The following TANC2 variants were observed in gnomAD, a reference collection of about 807,000 sequenced individuals.
TANC2 encodes the protein protein TANC2.
TANC2 carries 26 observed loss-of-function variants against 210.5 expected under a neutral mutation model. The ratio of observed to expected loss-of-function variants is 0.12; its 90% CI spans 0.09 to 0.17. TANC2 has a LOEUF of 0.17. Ranked by LOEUF, TANC2 falls within the 10% of genes least tolerant of loss-of-function variation. TANC2 has a pLI of 1.00. For synonymous variants in TANC2, 931 were observed against 967.1 expected (o/e 0.96, Z 0.69); for missense variants, 2,129 against 2,608.9 (o/e 0.82, Z 4.01).
rs73994409 is a variant in TANC2, at chr17:63,181,874, T to C, written c.434-12117T>C. 2.7e-3 allele frequency among the ~76,000 whole-genome samples: 414 copies of C among 152,340 alleles called. 1 individual carries two copies. Among genetic ancestry groups the C allele is most frequent in the African/African-American group, 9.5e-3 (394 of 41,588 alleles). On this transcript the variant is annotated intron_variant, in intron 5 of 27. Transcript: ENST00000689528. ...AAATGAAGCATCACTCCTGTTCTCATCTACCTTCAGCTTCCAGTGTACTTG... is the reference window on the plus strand; with the variant it reads ...AAATGAAGCATCACTCCTGTTCTCACCTACCTTCAGCTTCCAGTGTACTTG...
intron 7 of TANC2, among the ~76,000 whole-genome samples, chr17:63,229,008 G>A (rs1417087748): frequency 6.6e-6 from 1 of 152,128 alleles, no homozygotes; most frequent in Non-Finnish European, 1.5e-5. Flanking sequence ...TCTTGTGCCG[G>A]TTTTCAAGGA....
intron 11 of TANC2, chr17:63,331,848 G>GTC (rs2045859364): frequency 2.6e-5 from 4 of 156,048 alleles, no homozygotes; most frequent in African/African-American, 1.3e-4. Flanking sequence ...GTGTGTGTGT[G>GTC]TGTGTGTCTG....
chr17:63,205,389 C>CAAAAA (rs2041677560), intron 7 of TANC2, among the ~76,000 whole-genome samples: 1 of 44,646 alleles, frequency 2.2e-5, no homozygotes. Context: ...ACACCGAAAA[C>CAAAAA]TACAAAACAT....
intron 8 of TANC2, among the ~76,000 whole-genome samples, chr17:63,242,512 C>T (rs1478764412): frequency 6.6e-6 from 1 of 151,972 alleles, no homozygotes. Context: ...GGGACTTGAG[C>T]ATTTGCAGAT....
intron 3 of TANC2, among the ~76,000 whole-genome samples, chr17:63,097,550 C>T (rs991495010): frequency 4.7e-5 from 7 of 147,784 alleles, no homozygotes; most frequent in African/African-American, 1.5e-4. Flanking sequence ...CCAACAGTAA[C>T]GATAGCTGAT....
chr17:63,269,285 A>G (rs915831762), intron 9 of TANC2, among the ~76,000 whole-genome samples: 1 of 152,110 alleles, frequency 6.6e-6, no homozygotes, highest in African/African-American at 2.4e-5. Flanking sequence ...GTCATATACC[A>G]GTTGCATGGC....
intron 6 of TANC2, among the ~76,000 whole-genome samples, chr17:63,195,797 T>C (rs2041325981): frequency 6.6e-6 from 1 of 152,150 alleles, no homozygotes; most frequent in African/African-American, 2.4e-5. Context: ...TGTATTCCCA[T>C]CATACTTAAA....
At chr17:63,142,517 C>T (rs1282429128) in intron 4 of TANC2, among the ~76,000 whole-genome samples, 3 of 151,886 alleles carry the variant, frequency 2.0e-5, no homozygotes, top group Non-Finnish European at 2.9e-5. Context: ...TAAGTTTTTT[C>T]TATTTTGTTT....
At chr17:63,181,020 T>A (rs2145648820) in intron 5 of TANC2, among the ~76,000 whole-genome samples, 1 of 72,128 alleles carries the variant, frequency 1.4e-5, no homozygotes. Flanking sequence ...TGAGACTCCA[T>A]CTCAAAAAAA....
At chr17:63,328,008 A>G (rs565763584) in intron 11 of TANC2, among the ~76,000 whole-genome samples, 2 of 152,252 alleles carry the variant, frequency 1.3e-5, no homozygotes, top group South Asian at 4.1e-4. Flanking sequence ...CCCACCTATG[A>G]GTGAGAACAT....
chr17:63,181,776 A>G (rs1477517150), intron 5 of TANC2, among the ~76,000 whole-genome samples: 1 of 152,176 alleles, frequency 6.6e-6, no homozygotes, highest in East Asian at 1.9e-4. Flanking sequence ...GAAAAGCTGG[A>G]GAGATCTAAG....
intron 1 of TANC2, chr17:62,968,631 GGT>G (rs1190329841): frequency 6.6e-6 from 1 of 152,142 alleles, no homozygotes; most frequent in Non-Finnish European, 1.5e-5. Context: ...TGTAGGAAGA[GGT>G]GTTACAGAGC....
intron 2 of TANC2, among the ~76,000 whole-genome samples, chr17:63,052,962 G>A (rs2035634648): frequency 1.3e-5 from 2 of 152,102 alleles, no homozygotes; most frequent in African/African-American, 4.8e-5. Context: ...TGAGCTCTCC[G>A]GCTGTGCAAA....
At chr17:63,094,052 A>T (rs1179499448) in intron 3 of TANC2, among the ~76,000 whole-genome samples, 1 of 152,176 alleles carries the variant, frequency 6.6e-6, no homozygotes, top group East Asian at 1.9e-4. Context: ...AATGTTTTTT[A>T]AAATTTTCCA....
At chr17:63,308,226 C>T (rs975448698) in intron 9 of TANC2, among the ~76,000 whole-genome samples, 3 of 152,188 alleles carry the variant, frequency 2.0e-5, no homozygotes, top group Non-Finnish European at 4.4e-5. Context: ...TGCTCTTCAG[C>T]TCCATAATCC....
intron 9 of TANC2, among the ~76,000 whole-genome samples, chr17:63,282,841 CT>C (rs1180797840): frequency 1.3e-5 from 2 of 151,892 alleles, no homozygotes; most frequent in Admixed American, 1.3e-4. Context: ...AGTTGTGAAA[CT>C]TTTTTTATCT....
intron 2 of TANC2, among the ~76,000 whole-genome samples, chr17:63,024,984 G>A (rs1015559720): frequency 1.5e-4 from 23 of 152,144 alleles, no homozygotes; most frequent in African/African-American, 4.8e-4. Flanking sequence ...TTGTGCTAGA[G>A]TTGAGAAATA....
intron 9 of TANC2, among the ~76,000 whole-genome samples, chr17:63,303,584 C>G (rs554259018): frequency 1.3e-5 from 2 of 152,030 alleles, no homozygotes; most frequent in African/African-American, 4.8e-5. Context: ...TGGGGTTGAT[C>G]GTCTCGTGGA....
chr17:63,425,470 T>G (rs1201223861), exon 28 of TANC2: 1 of 152,196 alleles, frequency 6.6e-6, no homozygotes, highest in Non-Finnish European at 1.5e-5. Flanking sequence ...AAATTAAAAA[T>G]TAATCAGTAT....
Sources: allele counts gnomAD v4.1 joint callset (sites outside exome capture counted in the v4.1 genomes callset), GRCh38; gene constraint gnomAD v4.1.1; transcripts MANE v1.5; gene names NCBI Gene and HGNC (gene_info 2026-07-23, HGNC 2026-07-21).